The following FREM2 variants were observed in gnomAD, a reference collection of about 807,000 sequenced individuals.
FREM2 encodes the protein FRAS1-related extracellular matrix protein 2.
FREM2 carries 119 observed loss-of-function variants against 219.9 expected under a neutral mutation model. That is an observed-to-expected ratio of 0.54 (90% CI 0.47 to 0.63). The LOEUF is 0.63. Among genes scored for constraint, FREM2 ranks in the 30% least tolerant of loss-of-function variants. The probability of loss-of-function intolerance (pLI) is 0.00; values close to 1 mark genes in which losing one functional copy is unlikely to be tolerated. For synonymous variants in FREM2, 1,562 were observed against 1,522.8 expected (o/e 1.03, Z -0.60); for missense variants, 4,030 against 3,993.6 (o/e 1.01, Z -0.25).
intron 6 of FREM2, among the ~76,000 whole-genome samples, chr13:38,802,413 C>T (rs1398857395): frequency 3.9e-5 from 6 of 152,004 alleles, no homozygotes; most frequent in Admixed American, 6.6e-5. Flanking sequence ...AGCTCCAGGG[C>T]ATAACGCAGG....
intron 10 of FREM2, 134 bp downstream of exon 10, chr13:38,851,242 C>T (rs889124778): frequency 1.2e-6 from 1 of 801,882 alleles, no homozygotes. Flanking sequence ...AATTGAGAAA[C>T]AGCAAAAAGA....
chr13:38,793,977 A>G (rs1593411463), intron 6 of FREM2, among the ~76,000 whole-genome samples: 1 of 110,692 alleles, frequency 9.0e-6, no homozygotes, highest in African/African-American at 2.6e-5. Flanking sequence ...AAGGCATGCT[A>G]GTACGAAAGA....
Position 38,783,164 on chromosome 13 carries a change from G to T in FREM2, c.5736G>T (p.Gln1912His). The change falls in exon 5 of 24, where the codon CAG (glutamine) becomes CAT (histidine). Residue 1912 changes from glutamine to histidine, a missense_variant. By Grantham distance (24) the Gln-to-His change is conservative. Transcript: ENST00000280481. ...TCAGGAGGAGCGGAGATGTGAGCCA[G>T]GAGTTGATGGTGGTCTGTTATACCC... ...IPIRRSGDVS[Q>H]ELMVVCYTQQ... The T allele has an allele frequency of 6.2e-7, 1 of 1,614,050 alleles. No individual in the cohort carries two copies. The highest frequency in any genetic ancestry group is 8.5e-7 in the Non-Finnish European group (1 of 1,179,952).
intron 2 of FREM2, among the ~76,000 whole-genome samples, chr13:38,709,844 G>A (rs2138093306): frequency 6.6e-6 from 1 of 151,988 alleles, no homozygotes; most frequent in Non-Finnish European, 1.5e-5. Flanking sequence ...GTAGAAAATT[G>A]CTCTTAACAT....
chr13:38,779,904 A>G (rs1874047495), intron 4 of FREM2, among the ~76,000 whole-genome samples: 1 of 151,880 alleles, frequency 6.6e-6, no homozygotes, highest in Non-Finnish European at 1.5e-5. Flanking sequence ...CGGGGCCCAC[A>G]CTCCTCTGGT....
intron 6 of FREM2, among the ~76,000 whole-genome samples, chr13:38,837,519 T>C (rs1029087945): frequency 1.3e-5 from 2 of 152,192 alleles, no homozygotes; most frequent in African/African-American, 4.8e-5. Context: ...CTTGTTGATC[T>C]GTCTAATATT....
rs776324428 is a variant in FREM2, at chr13:38,687,806, G to A, written c.462G>A (p.Gln154=). The A allele has an allele frequency of 3.9e-6, 6 of 1,542,232 alleles. No homozygotes were observed. Among genetic ancestry groups the A allele is most frequent in the Non-Finnish European group, 5.3e-6 (6 of 1,140,096 alleles). ...RSPSRDRVRL[Q]LRYDAPGGAV... ...CGTCTCGGGACCGCGTCCGGCTGCAGCTGCGCTATGACGCGCCCGGAGGGG... is the reference window on the plus strand; with the variant it reads ...CGTCTCGGGACCGCGTCCGGCTGCAACTGCGCTATGACGCGCCCGGAGGGG... The change falls in exon 1 of 24, where the codon CAG becomes CAA. Residue 154 remains glutamine, a synonymous_variant. Transcript: ENST00000280481.
chr13:38,876,636 C>A (rs1347042277), intron 20 of FREM2, among the ~76,000 whole-genome samples: 3 of 152,066 alleles, frequency 2.0e-5, no homozygotes, highest in African/African-American at 7.2e-5. Context: ...CTGATCTTAT[C>A]TTGTGTCCTC....
rs1878734364 is a variant in FREM2 at position 38,886,458 on chromosome 13, A to C, written c.*5671A>C. 6.6e-6 allele frequency: 1 copy of C among 151,936 alleles called. No individual in the cohort carries two copies. Among genetic ancestry groups the C allele is most frequent in the African/African-American group, 2.4e-5 (1 of 41,296 alleles). 9.4% of individuals were successfully genotyped at this position (151,936 alleles called of 1,614,324 possible). On this transcript the variant is annotated 3_prime_UTR_variant, in exon 24 of 24. Coordinates refer to ENST00000280481, the MANE Select transcript of FREM2 (RefSeq NM_207361.6). Reference sequence around the variant, plus strand: ...TGTTGCCCAGGCTGGAGTGCAATGGAATGATCTTGGCTCACCGCAACCTCC... The same window carrying C: ...TGTTGCCCAGGCTGGAGTGCAATGGCATGATCTTGGCTCACCGCAACCTCC...
At chr13:38,768,384 G>A (rs1873524860) in intron 3 of FREM2, among the ~76,000 whole-genome samples, 1 of 151,986 alleles carries the variant, frequency 6.6e-6, no homozygotes, top group Non-Finnish European at 1.5e-5. Flanking sequence ...GGGCTCAGGT[G>A]ATCCACCTCA....
intron 2 of FREM2, among the ~76,000 whole-genome samples, chr13:38,709,567 T>C (rs893004153): frequency 1.9e-4 from 29 of 152,098 alleles, no homozygotes; most frequent in African/African-American, 6.5e-4. Context: ...TAGATGCATA[T>C]ATATTATGCA....
At position 38,878,823 on chromosome 13, in the gene FREM2, G is replaced by A. The variant is rs1349641078; in HGVS notation, c.8860-8G>A. On this transcript the variant is annotated splice_polypyrimidine_tract_variant and splice_region_variant and intron_variant, in intron 22 of 23. Transcript: ENST00000280481. ...TACAGCAATCACCACTTTCCTTACT[G>A]CTTAAAGGACAAAGCTCAGCCAGAG... 1.2e-6 allele frequency: 2 copies of A among 1,613,994 alleles called. No homozygotes were observed. Among genetic ancestry groups the A allele is most frequent in the East Asian group, 4.5e-5 (2 of 44,888 alleles).
chr13:38,736,061 A>C (rs1000252711), intron 2 of FREM2, among the ~76,000 whole-genome samples: 6 of 152,190 alleles, frequency 3.9e-5, no homozygotes, highest in African/African-American at 1.4e-4. Flanking sequence ...AAAGGGCTTC[A>C]GTGTATCCTA....
At chr13:38,868,714 C>G (rs1878057359) in intron 16 of FREM2, among the ~76,000 whole-genome samples, 1 of 152,214 alleles carries the variant, frequency 6.6e-6, no homozygotes, top group Non-Finnish European at 1.5e-5. Context: ...CATCTGAATA[C>G]AGGCAGATCA....
intron 2 of FREM2, among the ~76,000 whole-genome samples, chr13:38,750,475 G>T (rs957751446): frequency 1.3e-5 from 2 of 152,026 alleles, no homozygotes; most frequent in Non-Finnish European, 2.9e-5. Context: ...TTTTATGGTT[G>T]AATGATACTC....
At chr13:38,839,480 C>A (rs1377229924) in intron 6 of FREM2, among the ~76,000 whole-genome samples, 1 of 152,192 alleles carries the variant, frequency 6.6e-6, no homozygotes, top group African/African-American at 2.4e-5. Context: ...CTTAGCAGAG[C>A]TCGTGCACTG....
rs1009782994 is a variant in FREM2 at position 38,768,170 on chromosome 13, C to G, written c.5411-1408C>G. Among the ~76,000 whole-genome samples the G allele has an allele frequency of 4.6e-5, 7 of 152,252 alleles. No homozygotes were observed. In the East Asian group the frequency reaches 1.3e-3, roughly 29 times the overall value. ...AGTTTGAAGAACAAAAGGAATTTTT[C>G]AAAAGTATAATTTTTAACTAAATGC... is the stretch of plus-strand genomic sequence containing the variant. On this transcript the variant is annotated intron_variant, in intron 3 of 23. Transcript: ENST00000280481.
intron 6 of FREM2, among the ~76,000 whole-genome samples, chr13:38,802,818 A>G (rs1875070117): frequency 6.6e-6 from 1 of 152,136 alleles, no homozygotes; most frequent in Admixed American, 6.5e-5. Context: ...CACAAGCCCC[A>G]TATAGGTCGA....
intron 11 of FREM2, among the ~76,000 whole-genome samples, chr13:38,855,770 G>C (rs1459557259): frequency 2.6e-5 from 4 of 151,982 alleles, no homozygotes; most frequent in African/African-American, 9.7e-5. Flanking sequence ...ACTACAAATT[G>C]GGTACAGTGT....
Sources: gnomAD v4.1 joint callset for allele counts (sites outside exome capture counted in the v4.1 genomes callset) on GRCh38, gnomAD v4.1.1 for gene constraint, MANE v1.5 for transcripts, NCBI Gene and HGNC (gene_info 2026-07-23, HGNC 2026-07-21) for gene names.